SMARCAL1: variants seen among roughly 807,000 people sequenced by gnomAD.
The protein encoded by SMARCAL1 is SNF2 related chromatin remodeling annealing helicase 1, also known as ATP-driven annealing helicase.
SMARCAL1 carries 58 observed loss-of-function variants against 94.5 expected under a neutral mutation model. The ratio of observed to expected loss-of-function variants is 0.61; its 90% CI spans 0.50 to 0.76. The LOEUF is 0.76. Ranked by LOEUF, SMARCAL1 falls within the 30% of genes least tolerant of loss-of-function variation. SMARCAL1 has a pLI of 0.00. For synonymous variants in SMARCAL1, 422 were observed against 455.1 expected (o/e 0.93, Z 0.93); for missense variants, 1,051 against 1,177.9 (o/e 0.89, Z 1.58).
chr2:216,434,265 A>G (rs905405452), intron 8 of SMARCAL1, among the ~76,000 whole-genome samples: 8 of 152,074 alleles, frequency 5.3e-5, no homozygotes, highest in African/African-American at 1.9e-4. Context: ...GAACAGTGTC[A>G]CCCCATGTGA....
At chr2:216,468,345 G>C (rs780021898) in intron 14 of SMARCAL1, among the ~76,000 whole-genome samples, 1 of 152,240 alleles carries the variant, frequency 6.6e-6, no homozygotes, top group Non-Finnish European at 1.5e-5. Flanking sequence ...CAAGAGAGGA[G>C]ATAGCAAAAT....
At chr2:216,436,599 T>C (rs1694087387) in intron 9 of SMARCAL1, among the ~76,000 whole-genome samples, 1 of 152,212 alleles carries the variant, frequency 6.6e-6, no homozygotes, top group Admixed American at 6.5e-5. Flanking sequence ...AATGAGTCTT[T>C]GGGGGAGTCA....
Position 216,475,676 on chromosome 2 carries a change from A to T in SMARCAL1, c.2427+225A>T, listed in dbSNP as rs980991140. ...ATCACCCAGGCTGGAGTGCAGTGGC[A>T]TGATCTTGGCTCACTGCAACCTCCG... is the stretch of plus-strand genomic sequence containing the variant. On this transcript the variant is annotated intron_variant, in intron 15 of 17. Coordinates refer to ENST00000357276, the MANE Select transcript of SMARCAL1 (RefSeq NM_014140.4). The surrounding 1 kb of genome is among the most constrained non-coding windows in gnomAD (Gnocchi z 4.4). 6.6e-6 allele frequency among the ~76,000 whole-genome samples: 1 copy of T among 151,394 alleles called. No homozygotes were observed. Among genetic ancestry groups the T allele is most frequent in the African/African-American group, 2.4e-5 (1 of 41,122 alleles).
chr2:216,428,565 C>T (rs756642543), intron 6 of SMARCAL1, 31 bp from the exon 7 acceptor site: 1 of 1,609,158 alleles, frequency 6.2e-7, no homozygotes, highest in Non-Finnish European at 8.5e-7. Context: ...CATGAACACT[C>T]CAGCTCATAT....
At chr2:216,435,157 T>G (rs1441901307) in intron 8 of SMARCAL1, among the ~76,000 whole-genome samples, 181 bp from the exon 9 acceptor site, 1 of 151,684 alleles carries the variant, frequency 6.6e-6, no homozygotes, top group African/African-American at 2.4e-5. Flanking sequence ...CGCACCCGTC[T>G]CCCCCAACTC....
chr2:216,432,743 C>T lies in SMARCAL1; in HGVS notation c.1360C>T (p.Leu454=), dbSNP rs753714268. 1.2e-5 allele frequency: 19 copies of T among 1,614,078 alleles called. No homozygotes were observed. Among genetic ancestry groups the T allele is most frequent in the Admixed American group, 3.3e-5 (2 of 60,004 alleles). ...TTTTGCCATAGCCAAAGGAGGCCGC[C>T]TGCTGCTCGCTGACGACATGGGCCT... ...VNFAIAKGGR[L]LLADDMGLGK... The change falls in exon 8 of 18, where the codon CTG becomes TTG. Residue 454 remains leucine (L), a synonymous_variant. Coordinates refer to ENST00000357276, the MANE Select transcript of SMARCAL1 (RefSeq NM_014140.4).
chr2:216,444,723 G>C (rs1023535575), intron 10 of SMARCAL1, among the ~76,000 whole-genome samples: 1 of 152,164 alleles, frequency 6.6e-6, no homozygotes, highest in Non-Finnish European at 1.5e-5. Flanking sequence ...CACCATGTTG[G>C]CCAGGTTGGT....
chr2:216,439,069 A>G (rs2106041148), intron 10 of SMARCAL1, among the ~76,000 whole-genome samples: 1 of 152,246 alleles, frequency 6.6e-6, no homozygotes, highest in East Asian at 1.9e-4. Context: ...GGCTACCCTG[A>G]GCCTCTTTGG....
chr2:216,457,409 C>T (rs1345538889), intron 12 of SMARCAL1, among the ~76,000 whole-genome samples: 24 of 152,238 alleles, frequency 1.6e-4, no homozygotes, highest in Non-Finnish European at 2.2e-4. Flanking sequence ...CCACACCGTA[C>T]TTATTCCAAA....
In SMARCAL1 at chr2:216,478,256, C is replaced by T. The variant is rs1695130427; in HGVS notation, c.2582C>T (p.Thr861Ile). 4 of 1,614,004 alleles carry T rather than the reference C, an allele frequency of 2.5e-6. No individual in the cohort carries two copies. Among genetic ancestry groups the T allele is most frequent in the South Asian group, 2.2e-5 (2 of 91,084 alleles). ...KVLAEAGLSE[T>I]NFSEMTESTD... ...CTGGCAGAAGCCGGGCTTTCTGAGA[C>T]CAATTTTTCAGAAATGACAGAATCC... Residue 861 changes from threonine (T) to isoleucine (I), a missense_variant, in exon 17 of 18, where the codon ACC becomes ATC. Around this residue, in one of 3 missense-constraint regions of SMARCAL1, gnomAD observed 642 missense variants for 754.7 expected, o/e 0.85. Coordinates refer to ENST00000357276, the MANE Select transcript of SMARCAL1 (RefSeq NM_014140.4).
chr2:216,451,958 T>C (rs1303508017), intron 12 of SMARCAL1, among the ~76,000 whole-genome samples: 2 of 152,166 alleles, frequency 1.3e-5, no homozygotes, highest in African/African-American at 4.8e-5. Context: ...ACAAAATAAA[T>C]AAGAATGACA....
rs3816783 is a variant in SMARCAL1, at chr2:216,438,364, T to C, written c.1645-56T>C. ...CCAGGGTCAAGCCTAAAGTGACCCATATTTCTGTCCACTCAGGATTGGATC... is the reference window on the plus strand; with the variant it reads ...CCAGGGTCAAGCCTAAAGTGACCCACATTTCTGTCCACTCAGGATTGGATC... On this transcript the variant is annotated intron_variant, in intron 9 of 17. Transcript: ENST00000357276. 0.021 allele frequency: 30,933 copies of C among 1,473,880 alleles called. 1,171 individuals are homozygous for C. Among genetic ancestry groups the C allele is most frequent in the East Asian group, 0.16 (7,171 of 44,244 alleles). 91.3% of individuals were successfully genotyped at this position (1,473,880 alleles called of 1,614,324 possible).
At chr2:216,428,882 C>A in intron 7 of SMARCAL1, 100 bp downstream of exon 7, 2 of 1,108,454 alleles carry the variant, frequency 1.8e-6, no homozygotes, top group Non-Finnish European at 2.7e-6. Flanking sequence ...CTTTTATTTA[C>A]CATGGATAGA....
At chr2:216,456,769 G>C (rs949438392) in intron 12 of SMARCAL1, among the ~76,000 whole-genome samples, 1 of 152,174 alleles carries the variant, frequency 6.6e-6, no homozygotes, top group African/African-American at 2.4e-5. Context: ...ATCAATGCTA[G>C]GAAGAAACTG....
Position 216,477,176 on chromosome 2 carries a change from T to G in SMARCAL1, c.2495T>G (p.Leu832Arg). 1.3e-6 allele frequency: 2 copies of G among 1,598,472 alleles called. No homozygotes were observed. Among genetic ancestry groups the G allele is most frequent in the Non-Finnish European group, 1.7e-6 (2 of 1,172,616 alleles). ...GQTSSVGIHYLVAKGTADDYL... is the reference protein window; with the variant it reads ...GQTSSVGIHYRVAKGTADDYL... ...ACCAGCTCCGTGGGCATTCACTACCTCGTGGCAAAGGGCACAGCTGATGAC... is the reference window on the plus strand; with the variant it reads ...ACCAGCTCCGTGGGCATTCACTACCGCGTGGCAAAGGGCACAGCTGATGAC... The change falls in exon 16 of 18, where the codon CTC (leucine) becomes CGC (arginine). Residue 832 changes from leucine to arginine, a missense_variant. Leu to Arg is a moderately radical substitution (Grantham distance 102, BLOSUM62 -2). Coordinates refer to ENST00000357276, the MANE Select transcript of SMARCAL1 (RefSeq NM_014140.4).
At position 216,482,973 on chromosome 2, in the gene SMARCAL1, T is replaced by G; in HGVS notation, c.2861T>G (p.Leu954Arg). The G allele has an allele frequency of 5.0e-6, 8 of 1,613,374 alleles. No individual in the cohort carries two copies. The highest frequency in any genetic ancestry group is 6.8e-6 in the Non-Finnish European group (8 of 1,179,868). The change falls in exon 18 of 18, where the codon CTG becomes CGG. Residue 954 changes from leucine to arginine, a missense_variant. Around this residue, in one of 3 missense-constraint regions of SMARCAL1, gnomAD observed 642 missense variants for 754.7 expected, o/e 0.85. Transcript: ENST00000357276. This position sits in a 1 kb window ranked among gnomAD's most constrained non-coding sequence, Gnocchi z 4.3. The stretch of plus-strand genomic sequence containing the variant: ...AACTGGGACAGCTTTACGTCTCCCC[T>G]GTAAAAGGGGCAAAAAGAAAAAAAT... ...FDNWDSFTSP[L>R]
intron 14 of SMARCAL1, among the ~76,000 whole-genome samples, chr2:216,470,899 A>G (rs939062891): frequency 7.9e-5 from 12 of 151,554 alleles, no homozygotes; most frequent in African/African-American, 2.4e-5. Context: ...TATGAAAAAG[A>G]AGAGCAATGT....
chr2:216,464,671 A>G lies in SMARCAL1; in HGVS notation c.2141+4A>G, dbSNP rs1207473907. The G allele has an allele frequency of 6.3e-7, 1 of 1,577,760 alleles. No homozygotes were observed. Among genetic ancestry groups the G allele is most frequent in the Non-Finnish European group, 8.7e-7 (1 of 1,150,864 alleles). ...AAGCTAAAATCCCATCTGTCATGTAAGTGGTCACTAAGTGTCGACCTCTCT... is the reference window on the plus strand; with the variant it reads ...AAGCTAAAATCCCATCTGTCATGTAGGTGGTCACTAAGTGTCGACCTCTCT... On this transcript the variant is annotated splice_donor_region_variant and intron_variant, in intron 13 of 17. Coordinates refer to ENST00000357276, the MANE Select transcript of SMARCAL1 (RefSeq NM_014140.4).
At chr2:216,419,915 A>G (rs1386135057) in intron 4 of SMARCAL1, among the ~76,000 whole-genome samples, 1 of 151,190 alleles carries the variant, frequency 6.6e-6, no homozygotes, top group East Asian at 2.0e-4. Context: ...CTGTAGTCCC[A>G]GCTACTGGGG....
Sources: allele counts gnomAD v4.1 joint callset (sites outside exome capture counted in the v4.1 genomes callset), GRCh38; gene constraint gnomAD v4.1.1; regional missense constraint gnomAD v4.1.1; non-coding constraint Gnocchi (gnomAD v3.1); transcripts MANE v1.5; gene names NCBI Gene and HGNC (gene_info 2026-07-23, HGNC 2026-07-21).